The following SLC2A8 variants were observed in gnomAD, a reference collection of about 807,000 sequenced individuals.
The protein encoded by SLC2A8 is solute carrier family 2, facilitated glucose transporter member 8.
A neutral mutation model predicts 49.2 loss-of-function variants in SLC2A8; 53 were observed. The observed-to-expected ratio is 1.08, with a 90% confidence interval of 0.86 to 1.35. SLC2A8 has a LOEUF of 1.35. Ranked by LOEUF, SLC2A8 falls within the 40% of genes most tolerant of loss-of-function variation. The pLI is 0.00. For synonymous variants in SLC2A8, 299 were observed against 297.0 expected (o/e 1.01, Z -0.07); for missense variants, 688 against 671.7 (o/e 1.02, Z -0.27).
Position 127,402,678 on chromosome 9 carries a change from G to A in SLC2A8, c.648G>A (p.Gln216=), listed in dbSNP as rs3802366. 3,574 of 1,575,442 alleles carry A rather than the reference G, an allele frequency of 2.3e-3. 64 individuals carry two copies. In the East Asian group the frequency reaches 0.048, roughly 21 times the overall value. ...PRFLLTQHRR[Q]EAMAALRFLW... ...TCCTGCTGACTCAGCACAGGCGCCA[G>A]GAGGCCATGGCCGCCCTGCGGTTCC... Residue 216 remains glutamine, a synonymous_variant, in exon 5 of 10, where the codon CAG becomes CAA. Transcript: ENST00000373371.
chr9:127,397,335 C>A, intron 1 of SLC2A8, 41 bp from the exon 2 acceptor site: 1 of 1,389,990 alleles, frequency 7.2e-7, no homozygotes, highest in South Asian at 1.6e-5. Context: ...CCTCCCGCCC[C>A]TCCGCGTCCG....
In SLC2A8 at chr9:127,404,818, G is replaced by T; in HGVS notation, c.977G>T (p.Gly326Val). 6.2e-7 allele frequency: 1 copy of T among 1,607,978 alleles called. No homozygotes were observed. The highest frequency in any genetic ancestry group is 8.5e-7 in the Non-Finnish European group (1 of 1,176,160). Reference protein sequence around the residue: ...AGRRLLLVLSGVVMVFSTSAF... With the variant: ...AGRRLLLVLSVVVMVFSTSAF... ...CCCACTGCCGCCCTCCCGCCTGCAG[G>T]TGTGGTCATGGTGTTCAGCACGAGT... is the stretch of plus-strand genomic sequence containing the variant. Residue 326 changes from glycine (G) to valine (V), a missense_variant and splice_region_variant, in exon 8 of 10, where the codon GGT (glycine) becomes GTT (valine). Physicochemically the swap from Gly to Val is moderately radical, Grantham distance 109. Transcript: ENST00000373371.
intron 4 of SLC2A8, among the ~76,000 whole-genome samples, chr9:127,400,695 G>A (rs377680422): frequency 1.5e-4 from 23 of 152,268 alleles, no homozygotes; most frequent in African/African-American, 5.5e-4. Context: ...CACCATGTCG[G>A]CGAGTTGCAA....
rs936860737 is a variant in SLC2A8 at position 127,402,028 on chromosome 9, C to T, written c.527-529C>T. Among the ~76,000 whole-genome samples the T allele has an allele frequency of 2.0e-5, 3 of 152,384 alleles. No homozygotes were observed. The South Asian group carries it at 6.2e-4, about 32-fold the overall frequency. ...ACAGCAAAATCCTCTCACCTCTCTA[C>T]TTTCATGTATACTTTGAATAGATAA... On this transcript the variant is annotated intron_variant, in intron 4 of 9. Coordinates refer to ENST00000373371, the MANE Select transcript of SLC2A8 (RefSeq NM_014580.5).
In SLC2A8 at chr9:127,405,459, T is replaced by A. The variant is rs751366166; in HGVS notation, c.1190T>A (p.Met397Lys). 1 of 1,613,010 alleles carries A rather than the reference T, an allele frequency of 6.2e-7. No homozygotes were observed. Among genetic ancestry groups the A allele is most frequent in the South Asian group, 1.1e-5 (1 of 91,086 alleles). Residue 397 changes from methionine to lysine, a missense_variant, in exon 9 of 10, where the codon ATG (methionine) becomes AAG (lysine). Physicochemically the swap from Met to Lys is moderately conservative, Grantham distance 95. Transcript: ENST00000373371. ...VGWGPIPWLL[M>K]SEIFPLHVKG... ...TGGGGGCCCATCCCCTGGCTCCTCA[T>A]GTCAGAGATCTTCCCTCTGCATGTC...
At chr9:127,403,279 G>A in intron 5 of SLC2A8, 1 of 275,930 alleles carries the variant, frequency 3.6e-6, no homozygotes, top group Non-Finnish European at 7.0e-6. Context: ...GGTGGGGTCA[G>A]CGAGGAGGAT....
chr9:127,398,790 T>C (rs900892973), intron 3 of SLC2A8, among the ~76,000 whole-genome samples: 1 of 152,206 alleles, frequency 6.6e-6, no homozygotes, highest in African/African-American at 2.4e-5. Context: ...AGTGGGACTT[T>C]GGATAGACAG....
At chr9:127,406,964 GC>G (rs1421455879) in intron 9 of SLC2A8, 147 bp from the exon 10 acceptor site, 1 of 839,752 alleles carries the variant, frequency 1.2e-6, no homozygotes, top group African/African-American at 1.7e-5. Flanking sequence ...ATGTCCCAGA[GC>G]TGGGTGGAGA....
At chr9:127,398,189 T>A (rs111263158) in intron 3 of SLC2A8, 78 bp downstream of exon 3, 4 of 1,461,100 alleles carry the variant, frequency 2.7e-6, no homozygotes, top group Admixed American at 3.6e-5. Context: ...TCCCCAGGCC[T>A]GGGGGCGCGG....
intron 5 of SLC2A8, among the ~76,000 whole-genome samples, chr9:127,403,016 A>G (rs1326848299): frequency 6.6e-6 from 1 of 152,238 alleles, no homozygotes; most frequent in Non-Finnish European, 1.5e-5. Flanking sequence ...GAGAATGGCC[A>G]GGCCTGGTGG....
intron 7 of SLC2A8, chr9:127,404,607 A>C (rs1833418739): frequency 7.1e-6 from 4 of 565,728 alleles, no homozygotes; most frequent in Non-Finnish European, 1.2e-5. Flanking sequence ...CTCGGCCCAG[A>C]GGGTCTGCTC....
intron 3 of SLC2A8, among the ~76,000 whole-genome samples, chr9:127,398,601 GCTTCCCCAT>G (rs1833142286): frequency 6.6e-6 from 1 of 152,154 alleles, no homozygotes; most frequent in South Asian, 2.1e-4. Context: ...AGCCCCTCTG[GCTTCCCCAT>G]CTTCCCCCTT....
chr9:127,402,464 G>GC (rs1189516749), intron 4 of SLC2A8, 93 bp from the exon 5 acceptor site: 2 of 1,430,324 alleles, frequency 1.4e-6, no homozygotes, highest in African/African-American at 2.9e-5. Flanking sequence ...AGGCAGCGAG[G>GC]CCCCATCTCT....
rs1386649176 is a variant in SLC2A8 at position 127,397,522 on chromosome 9, C to T, written c.203C>T (p.Ala68Val). The part of the protein sequence containing the change: ...APPAPRLDDA[A>V]ASWFGAVVTL... ...CCGGCCCCGCGCCTGGACGACGCCG[C>T]CGCCTCCTGGTTCGGGGTGAGGCCC... The change falls in exon 2 of 10, where the codon GCC (alanine) becomes GTC (valine). Residue 68 changes from alanine to valine, a missense_variant. By Grantham distance (64) the Ala-to-Val change is moderately conservative. Transcript: ENST00000373371. The T allele has an allele frequency of 8.4e-6, 12 of 1,425,382 alleles. No individual in the cohort carries two copies. Among genetic ancestry groups the T allele is most frequent in the Non-Finnish European group, 1.1e-5 (12 of 1,101,000 alleles). 88.3% of individuals were successfully genotyped at this position (1,425,382 alleles called of 1,614,324 possible).
At chr9:127,402,193 A>G (rs1833314521) in intron 4 of SLC2A8, among the ~76,000 whole-genome samples, 1 of 152,200 alleles carries the variant, frequency 6.6e-6, no homozygotes, top group African/African-American at 2.4e-5. Flanking sequence ...TGTTCATATG[A>G]GGGACATGCA....
rs780273201 is a variant in SLC2A8 at position 127,403,763 on chromosome 9, T to C, written c.827T>C (p.Met276Thr). 3.7e-6 allele frequency: 6 copies of C among 1,613,142 alleles called. No homozygotes were observed. In the South Asian group the frequency reaches 6.6e-5, roughly 18 times the overall value. The change falls in exon 6 of 10, where the codon ATG (methionine) becomes ACG (threonine). Residue 276 changes from methionine (M) to threonine (T), a missense_variant. By Grantham distance (81) the Met-to-Thr change is moderately conservative. Coordinates refer to ENST00000373371, the MANE Select transcript of SLC2A8 (RefSeq NM_014580.5). Reference sequence around the variant, plus strand: ...CAGCTGTCGGGGGTCAACGCCGTCATGTTCTATGCAGAGACCATCTTTGAA... The same window carrying C: ...CAGCTGTCGGGGGTCAACGCCGTCACGTTCTATGCAGAGACCATCTTTGAA... ...FQQLSGVNAVMFYAETIFEEA... is the reference protein window; with the variant it reads ...FQQLSGVNAVTFYAETIFEEA...
At position 127,397,524 on chromosome 9, in the gene SLC2A8, G is replaced by T; in HGVS notation, c.205G>T (p.Ala69Ser). The change falls in exon 2 of 10, where the codon GCC (alanine) becomes TCC (serine). Residue 69 changes from alanine to serine, a missense_variant. Coordinates refer to ENST00000373371, the MANE Select transcript of SLC2A8 (RefSeq NM_014580.5). ...GGCCCCGCGCCTGGACGACGCCGCC[G>T]CCTCCTGGTTCGGGGTGAGGCCCCG... ...PPAPRLDDAA[A>S]SWFGAVVTLG... The T allele has an allele frequency of 2.8e-6, 4 of 1,422,440 alleles. No homozygotes were observed. In the South Asian group the frequency reaches 5.9e-5, roughly 21 times the overall value. The allele number at this position is 1,422,440 out of a possible 1,614,324, so 88.1% of individuals were successfully genotyped here.
chr9:127,406,079 C>T (rs771900546), intron 9 of SLC2A8: 54 of 518,146 alleles, frequency 1.0e-4, no homozygotes, highest in South Asian at 7.3e-4. Context: ...GCCCCTGTCC[C>T]GGGGCTTCCC....
At position 127,402,714 on chromosome 9, in the gene SLC2A8, C is replaced by T. The variant is rs1138739; in HGVS notation, c.684C>T (p.Ser228=). The part of the protein sequence containing the change: ...AMAALRFLWG[S]EQGWEDPPIG... ...CCGCCCTGCGGTTCCTGTGGGGCTC[C>T]GAGCAGGGCTGGGAAGACCCCCCCA... Residue 228 remains serine, a synonymous_variant, in exon 5 of 10, where the codon TCC becomes TCT. Coordinates refer to ENST00000373371, the MANE Select transcript of SLC2A8 (RefSeq NM_014580.5). 0.21 allele frequency: 331,387 copies of T among 1,557,778 alleles called. 39,085 individuals carry two copies. The highest frequency in any genetic ancestry group is 0.41 in the Admixed American group (21,400 of 51,894).
Sources: allele counts gnomAD v4.1 joint callset (sites outside exome capture counted in the v4.1 genomes callset), GRCh38; gene constraint gnomAD v4.1.1; transcripts MANE v1.5; gene names NCBI Gene and HGNC (gene_info 2026-07-23, HGNC 2026-07-21).